The following PALM2AKAP2 variants were observed in gnomAD, a reference collection of about 807,000 sequenced individuals.
The protein encoded by PALM2AKAP2 is PALM2-AKAP2 fusion protein.
A neutral mutation model predicts 71.5 loss-of-function variants in PALM2AKAP2; 37 were observed. That is an observed-to-expected ratio of 0.52 (90% confidence interval 0.40 to 0.68). The LOEUF is 0.68. PALM2AKAP2 is among the 30% of genes least tolerant of loss of function. The pLI, the probability that PALM2AKAP2 is intolerant of heterozygous loss-of-function variation, is 0.00. For synonymous variants in PALM2AKAP2, 468 were observed against 478.8 expected (o/e 0.98, Z 0.29); for missense variants, 1,224 against 1,191.8 (o/e 1.03, Z -0.40).
At chr9:109,813,512 T>TTTTCCCA (rs200611807) in intron 1 of PALM2AKAP2, among the ~76,000 whole-genome samples, 4,707 of 152,214 alleles carry the variant, frequency 0.031, 89 homozygotes, top group Non-Finnish European at 0.036. Context: ...ACGTCAGCAT[T>TTTTCCCA]TTTCCCATTT....
rs573954229 is a variant in PALM2AKAP2, at chr9:110,048,891, T to C, written c.156+36T>C. On this transcript the variant is annotated intron_variant, in intron 1 of 3. Coordinates refer to ENST00000374525, the Ensembl canonical transcript of PALM2AKAP2. ...AAGCTGGGGAGGGGAGGGGCTGGAG[T>C]GTCCTCGAGTGTGAGGAAGGGGTGG... 3.6e-4 allele frequency: 540 copies of C among 1,480,158 alleles called. 3 individuals carry two copies. In the African/African-American group the frequency reaches 7.3e-3, roughly 20 times the overall value. The allele number at this position is 1,480,158 out of a possible 1,614,324, so 91.7% of individuals were successfully genotyped here.
At chr9:109,650,250 TAGAG>T (rs1827207537) in intron 1 of PALM2AKAP2, among the ~76,000 whole-genome samples, 1 of 151,914 alleles carries the variant, frequency 6.6e-6, no homozygotes, top group Non-Finnish European at 1.5e-5. Context: ...TCTCCTTACT[TAGAG>T]AGAAATTTGA....
intron 1 of PALM2AKAP2, among the ~76,000 whole-genome samples, chr9:110,070,687 G>C (rs1384974351): frequency 6.6e-6 from 1 of 152,190 alleles, no homozygotes; most frequent in African/African-American, 2.4e-5. Flanking sequence ...AACTAACTCA[G>C]ATGACTCCAT....
rs568781693 is a variant in PALM2AKAP2, at chr9:109,819,959, G to A, written c.45+39426G>A. 1.0e-3 allele frequency among the ~76,000 whole-genome samples: 153 copies of A among 152,236 alleles called. 1 individual carries two copies. The highest frequency in any genetic ancestry group is 3.4e-3 in the Middle Eastern group (1 of 294). ...TGAAAAATTGGGAACAATTCAATAG[G>A]AAAACAGGAAAATGGTTAAATATGA... is the stretch of plus-strand genomic sequence containing the variant. On this transcript the variant is annotated intron_variant, in intron 1 of 9. Transcript: ENST00000302798.
chr9:109,935,603 C>G (rs1285331071), intron 6 of PALM2AKAP2, among the ~76,000 whole-genome samples: 1 of 152,210 alleles, frequency 6.6e-6, no homozygotes, highest in Non-Finnish European at 1.5e-5. Flanking sequence ...TTAACCCATG[C>G]TGGCTCTTAG....
intron 1 of PALM2AKAP2, among the ~76,000 whole-genome samples, chr9:110,071,020 C>G (rs1834193494): frequency 6.6e-6 from 1 of 151,830 alleles, no homozygotes; most frequent in East Asian, 1.9e-4. Flanking sequence ...AAAAATTAGC[C>G]AGACATGGTG....
chr9:109,712,474 G>C (rs552678709), intron 1 of PALM2AKAP2, among the ~76,000 whole-genome samples: 1 of 152,148 alleles, frequency 6.6e-6, no homozygotes. Context: ...TTCCAATGAC[G>C]TGTTTTTTCC....
At chr9:109,845,684 C>T (rs1462237630) in intron 1 of PALM2AKAP2, among the ~76,000 whole-genome samples, 1 of 152,166 alleles carries the variant, frequency 6.6e-6, no homozygotes, top group Non-Finnish European at 1.5e-5. Context: ...ACAGAACTTA[C>T]TGGATGTGTG....
intron 3 of PALM2AKAP2, among the ~76,000 whole-genome samples, chr9:109,906,104 G>A (rs1414281172): frequency 1.3e-5 from 2 of 152,178 alleles, no homozygotes; most frequent in African/African-American, 4.8e-5. Flanking sequence ...GCTGAGAGGT[G>A]GGCTGGAAAG....
intron 3 of PALM2AKAP2, among the ~76,000 whole-genome samples, chr9:109,907,479 C>G (rs1032575104): frequency 6.6e-6 from 1 of 152,226 alleles, no homozygotes; most frequent in Non-Finnish European, 1.5e-5. Flanking sequence ...AGGCCTTTCT[C>G]TCTCTGCCAG....
intron 2 of PALM2AKAP2, among the ~76,000 whole-genome samples, chr9:110,155,851 G>C (rs1350480024): frequency 6.6e-6 from 1 of 152,198 alleles, no homozygotes; most frequent in East Asian, 1.9e-4. Flanking sequence ...ATAGACCCTG[G>C]TGAGGAAAGC....
intron 1 of PALM2AKAP2, among the ~76,000 whole-genome samples, chr9:109,695,946 G>C (rs1341129617): frequency 6.6e-6 from 1 of 152,054 alleles, no homozygotes; most frequent in Non-Finnish European, 1.5e-5. Flanking sequence ...TCTAGTGTTT[G>C]ATAAAACACT....
chr9:109,844,931 A>ATGTGTGTGTGTGTGTGTGTG (rs71373945), intron 1 of PALM2AKAP2, among the ~76,000 whole-genome samples: 1,887 of 149,356 alleles, frequency 0.013, 14 homozygotes, highest in Middle Eastern at 0.035. Flanking sequence ...CCAGAAAATG[A>ATGTGTGTGTGTGTGTGTGTG]TGTGTGTGTG....
intron 7 of PALM2AKAP2, among the ~76,000 whole-genome samples, chr9:110,039,244 C>T (rs564370648): frequency 9.2e-5 from 14 of 152,250 alleles, no homozygotes; most frequent in African/African-American, 3.1e-4. Context: ...GTGAGACCCT[C>T]TCTCAATAAA....
rs191315556 is a variant in PALM2AKAP2, at chr9:109,746,849, G to A, written c.6-33639G>A. Reference sequence around the variant, plus strand: ...TAGGTGTGGCTAGATGTGGCTTCTAGTTGGCAGCAGCCTAGAGTTCAAATA... The same window carrying A: ...TAGGTGTGGCTAGATGTGGCTTCTAATTGGCAGCAGCCTAGAGTTCAAATA... On this transcript the variant is annotated intron_variant, in intron 1 of 6. Transcript: ENST00000374531. Among the ~76,000 whole-genome samples the A allele has an allele frequency of 6.9e-4, 105 of 152,346 alleles. 2 individuals carry two copies. The East Asian group carries it at 0.014, about 20-fold the overall frequency.
chr9:109,656,128 C>T (rs1363158494), intron 1 of PALM2AKAP2, among the ~76,000 whole-genome samples: 7 of 152,050 alleles, frequency 4.6e-5, no homozygotes, highest in Admixed American at 3.9e-4. Context: ...GAGTATCTGA[C>T]GTTGGGGCAA....
intron 1 of PALM2AKAP2, among the ~76,000 whole-genome samples, chr9:109,691,770 C>T (rs553407029): frequency 7.9e-4 from 114 of 144,020 alleles, no homozygotes; most frequent in South Asian, 1.8e-3. Context: ...CTGCCCATAG[C>T]GGGAAGTGGC....
At chr9:110,076,643 A>G (rs114377365) in intron 1 of PALM2AKAP2, among the ~76,000 whole-genome samples, 1,984 of 151,840 alleles carry the variant, frequency 0.013, 35 homozygotes, top group African/African-American at 0.046. Flanking sequence ...AATATATCCT[A>G]TGTTATTATT....
intron 1 of PALM2AKAP2, among the ~76,000 whole-genome samples, chr9:110,093,072 T>G (rs921456470): frequency 1.3e-5 from 2 of 152,056 alleles, no homozygotes; most frequent in Admixed American, 1.3e-4. Flanking sequence ...AGGTGGTTCT[T>G]TAAGGGAAAT....
Sources: allele counts gnomAD v4.1 joint callset (sites outside exome capture counted in the v4.1 genomes callset), GRCh38; gene constraint gnomAD v4.1.1; transcripts MANE v1.5; gene names NCBI Gene and HGNC (gene_info 2026-07-23, HGNC 2026-07-21).